Variants in EPHA3 observed in about 807,000 individuals in gnomAD.
EPHA3 encodes ephrin type-A receptor 3.
EPHA3 carries 42 observed loss-of-function variants against 107.1 expected under a neutral mutation model. The ratio of observed to expected loss-of-function variants is 0.39; its 90% confidence interval spans 0.31 to 0.51. The LOEUF (loss-of-function observed/expected upper bound fraction) is 0.51. EPHA3 is among the 20% of genes least tolerant of loss of function. The pLI is 0.78. For synonymous variants in EPHA3, 461 were observed against 424.8 expected (o/e 1.09, Z -1.05); for missense variants, 1,183 against 1,211.2 (o/e 0.98, Z 0.35).
At chr3:89,165,706 T>C (rs1348730866) in intron 2 of EPHA3, among the ~76,000 whole-genome samples, 6 of 152,210 alleles carry the variant, frequency 3.9e-5, no homozygotes, top group Non-Finnish European at 8.8e-5. Flanking sequence ...TACATACTCA[T>C]CTTCTGAAAT....
At chr3:89,189,004 G>T (rs1705639889) in intron 2 of EPHA3, among the ~76,000 whole-genome samples, 1 of 152,188 alleles carries the variant, frequency 6.6e-6, no homozygotes. Flanking sequence ...TAAGACTATA[G>T]TAAGTGCTTC....
chr3:89,173,099 A>G (rs1361444261), intron 2 of EPHA3, among the ~76,000 whole-genome samples: 1 of 152,178 alleles, frequency 6.6e-6, no homozygotes, highest in Non-Finnish European at 1.5e-5. Context: ...ATATAAATGT[A>G]TCCACCAAAA....
intron 2 of EPHA3, among the ~76,000 whole-genome samples, chr3:89,196,185 C>T (rs2107150162): frequency 6.6e-6 from 1 of 152,124 alleles, no homozygotes; most frequent in South Asian, 2.1e-4. Flanking sequence ...TGAAGTCTTC[C>T]TCTGACTTGT....
chr3:89,298,689 C>T (rs1296014946), intron 3 of EPHA3, among the ~76,000 whole-genome samples: 1 of 151,948 alleles, frequency 6.6e-6, no homozygotes, highest in Non-Finnish European at 1.5e-5. Flanking sequence ...AAAAATTATA[C>T]ATTGGAGATG....
At chr3:89,294,522 T>C (rs564762488) in intron 3 of EPHA3, among the ~76,000 whole-genome samples, 1 of 151,084 alleles carries the variant, frequency 6.6e-6, no homozygotes, top group East Asian at 1.9e-4. Flanking sequence ...ACACAGAAGA[T>C]GACTACTGAA....
chr3:89,249,024 C>T (rs183647604), intron 3 of EPHA3, among the ~76,000 whole-genome samples: 45 of 152,290 alleles, frequency 3.0e-4, no homozygotes, highest in Admixed American at 2.6e-3. Flanking sequence ...ATCTCCTTTT[C>T]CCAGTATCCC....
At chr3:89,362,494 G>A (rs1212245806) in intron 5 of EPHA3, among the ~76,000 whole-genome samples, 1 of 151,082 alleles carries the variant, frequency 6.6e-6, no homozygotes, top group African/African-American at 2.4e-5. Flanking sequence ...CTTAAATGCA[G>A]TCACCTGCAC....
intron 2 of EPHA3, among the ~76,000 whole-genome samples, chr3:89,145,110 C>T (rs1465019720): frequency 6.6e-6 from 1 of 151,538 alleles, no homozygotes. Context: ...ATTTTGTTTT[C>T]TTGATAGAGG....
At chr3:89,467,648 CA>C (rs1181360115) in intron 15 of EPHA3, among the ~76,000 whole-genome samples, 3 of 151,902 alleles carry the variant, frequency 2.0e-5, no homozygotes, top group Non-Finnish European at 4.4e-5. Flanking sequence ...CACCTATTTA[CA>C]GCTAAAATAG....
intron 3 of EPHA3, among the ~76,000 whole-genome samples, chr3:89,243,267 C>T (rs1048591120): frequency 7.2e-5 from 11 of 152,188 alleles, no homozygotes; most frequent in African/African-American, 2.2e-4. Flanking sequence ...TGGGTATATA[C>T]GCAGTAATGG....
In EPHA3 at chr3:89,399,496, A is replaced by G. The variant is rs754800507; in HGVS notation, c.1594+16A>G. The G allele has an allele frequency of 1.2e-5, 20 of 1,613,350 alleles. No individual in the cohort carries two copies. Among genetic ancestry groups the G allele is most frequent in the Admixed American group, 1.7e-5 (1 of 59,952 alleles). Reference sequence around the variant, plus strand: ...AGTCCAGACTGTATGTATTATTTCAATGCAGTCTAGAGGAGGGGGCAGGGA... The same window carrying G: ...AGTCCAGACTGTATGTATTATTTCAGTGCAGTCTAGAGGAGGGGGCAGGGA... On this transcript the variant is annotated intron_variant, in intron 7 of 16. Coordinates refer to ENST00000336596, the MANE Select transcript of EPHA3 (RefSeq NM_005233.6).
At position 89,234,671 on chromosome 3, in the gene EPHA3, TTCCTTTCC is replaced by T. The variant is rs201528961; in HGVS notation, c.814+24169_814+24176del. ...TGGAGGGGATTTATTTCTTCCTTTCTTCCTTTCCTCCTTTCCTCCTTTCCTTCCTTCTT... is the reference window on the plus strand; with the variant it reads ...TGGAGGGGATTTATTTCTTCCTTTCTTCCTTTCCTCCTTTCCTTCCTTCTT... On this transcript the variant is annotated intron_variant, in intron 3 of 16. Transcript: ENST00000336596. Among the ~76,000 whole-genome samples the T allele has an allele frequency of 8.9e-3, 1,349 of 152,022 alleles. 17 individuals carry two copies. The highest frequency in any genetic ancestry group is 0.031 in the African/African-American group (1,272 of 41,406).
chr3:89,229,893 T>C lies in EPHA3; in HGVS notation c.814+19373T>C, dbSNP rs569862433. ...AAAGCCTTGGAGTATTTAGATTCCA[T>C]TGGGTGCATTTAGGAATAGTGTAAC... On this transcript the variant is annotated intron_variant, in intron 3 of 16. Coordinates refer to ENST00000336596, the MANE Select transcript of EPHA3 (RefSeq NM_005233.6). Among the ~76,000 whole-genome samples the C allele has an allele frequency of 1.4e-4, 21 of 152,164 alleles. 1 individual carries two copies. The East Asian group carries it at 3.5e-3, about 25-fold the overall frequency.
At chr3:89,315,361 T>C (rs1706871238) in intron 3 of EPHA3, among the ~76,000 whole-genome samples, 1 of 151,294 alleles carries the variant, frequency 6.6e-6, no homozygotes, top group South Asian at 2.1e-4. Context: ...TCAACTATAG[T>C]ATGTGATGAG....
At chr3:89,214,274 G>GCCTTA (rs1704174200) in intron 3 of EPHA3, among the ~76,000 whole-genome samples, 1 of 151,936 alleles carries the variant, frequency 6.6e-6, no homozygotes, top group Non-Finnish European at 1.5e-5. Context: ...ATCCACAAAA[G>GCCTTA]GGATGGGCTT....
chr3:89,186,383 A>T (rs1705569616), intron 2 of EPHA3, among the ~76,000 whole-genome samples: 1 of 151,964 alleles, frequency 6.6e-6, no homozygotes, highest in Non-Finnish European at 1.5e-5. Flanking sequence ...AAAAAAATAT[A>T]AATAAGATAG....
Position 89,408,127 on chromosome 3 carries a change from G to T in EPHA3, c.1758G>T (p.Gly586=), listed in dbSNP as rs376205829. ...ADEKRLHFGN[G]HLKLPGLRTY... ...AAAAAAGACTTCATTTTGGCAATGGGCATTGTAAGTTTCTAAACTTGGCTT... is the reference window on the plus strand; with the variant it reads ...AAAAAAGACTTCATTTTGGCAATGGTCATTGTAAGTTTCTAAACTTGGCTT... The change falls in exon 9 of 17, where the codon GGG becomes GGT. Residue 586 remains glycine, a synonymous_variant. Coordinates refer to ENST00000336596, the MANE Select transcript of EPHA3 (RefSeq NM_005233.6). The T allele has an allele frequency of 1.6e-5, 25 of 1,612,484 alleles. No homozygotes were observed. The highest frequency in any genetic ancestry group is 1.3e-5 in the Non-Finnish European group (15 of 1,178,942).
At chr3:89,256,612 T>TAAAA (rs1299109208) in intron 3 of EPHA3, among the ~76,000 whole-genome samples, 1 of 150,604 alleles carries the variant, frequency 6.6e-6, no homozygotes, top group Non-Finnish European at 1.5e-5. Flanking sequence ...AATAAATAAA[T>TAAAA]AAAATTCTAT....
chr3:89,443,397 A>G (rs760918595), intron 13 of EPHA3, among the ~76,000 whole-genome samples: 6 of 152,212 alleles, frequency 3.9e-5, no homozygotes, highest in Non-Finnish European at 8.8e-5. Flanking sequence ...AGTTCTTAAA[A>G]TGTATTAATG....
Sources: gnomAD v4.1 joint callset for allele counts (sites outside exome capture counted in the v4.1 genomes callset) on GRCh38, gnomAD v4.1.1 for gene constraint, MANE v1.5 for transcripts, NCBI Gene and HGNC (gene_info 2026-07-23, HGNC 2026-07-21) for gene names.